Variants in PCM1 observed in about 807,000 individuals in gnomAD.
PCM1 encodes the protein pericentriolar material 1 protein.
PCM1 carries 157 observed loss-of-function variants against 241.9 expected under a neutral mutation model. The observed-to-expected ratio is 0.65, with a 90% CI of 0.57 to 0.74. PCM1 has a LOEUF of 0.74. Among genes scored for constraint, PCM1 ranks in the 30% least tolerant of loss-of-function variants. PCM1 has a pLI of 0.00. For synonymous variants in PCM1, 1,085 were observed against 784.9 expected (o/e 1.38, Z -6.39); for missense variants, 3,478 against 2,360.1 (o/e 1.47, Z -9.81).
At chr8:18,009,148 T>C (rs987718166) in intron 30 of PCM1, among the ~76,000 whole-genome samples, 6 of 152,188 alleles carry the variant, frequency 3.9e-5, no homozygotes, top group Non-Finnish European at 7.3e-5. Context: ...GGTGGAAGCT[T>C]TAAAAGTATT....
chr8:17,944,431 TTAA>T (rs1286367181), intron 6 of PCM1, among the ~76,000 whole-genome samples: 1 of 152,090 alleles, frequency 6.6e-6, no homozygotes, highest in African/African-American at 2.4e-5. Context: ...TTAGGATCCA[TTAA>T]TAATTACTAG....
At chr8:17,932,630 T>G (rs2059371491) in intron 2 of PCM1, among the ~76,000 whole-genome samples, 1 of 151,986 alleles carries the variant, frequency 6.6e-6, no homozygotes, top group African/African-American at 2.4e-5. Context: ...TCTTTGAGAT[T>G]TTTTTTTCTC....
At chr8:17,976,405 T>C (rs2078790573) in intron 23 of PCM1, among the ~76,000 whole-genome samples, 3 of 152,100 alleles carry the variant, frequency 2.0e-5, no homozygotes, top group Admixed American at 6.6e-5. Flanking sequence ...CCCTACAAGG[T>C]TGAGGAAGAA....
chr8:17,993,497 G>A lies in PCM1; in HGVS notation c.4705G>A (p.Glu1569Lys), dbSNP rs925223759. Residue 1569 changes from glutamate to lysine, a missense_variant, in exon 29 of 39, where the codon GAA (glutamate) becomes AAA (lysine). Coordinates refer to ENST00000325083, the MANE Select transcript of PCM1 (RefSeq NM_006197.4). ...TTAAAAATTAGAAACTCCCGTTATT[G>A]AAAATCGTAGTTCACAACAACCTGT... Reference protein sequence around the residue: ...VNNLEETPVIENRSSQQPVSE... With the variant: ...VNNLEETPVIKNRSSQQPVSE... 4 of 1,567,050 alleles carry A rather than the reference G, an allele frequency of 2.6e-6. No individual in the cohort carries two copies. The highest frequency in any genetic ancestry group is 1.9e-5 in the Admixed American group (1 of 52,250).
In PCM1 at chr8:18,026,852, A is replaced by G. The variant is rs547285081; in HGVS notation, c.6050-785A>G. ...CCTGGTTCTCTGTTCAGTTTTACCC[A>G]TATTCTTACATTACTAAGGCTATTA... On this transcript the variant is annotated intron_variant, in intron 38 of 38. Coordinates refer to ENST00000325083, the MANE Select transcript of PCM1 (RefSeq NM_006197.4). 9.7e-4 allele frequency among the ~76,000 whole-genome samples: 148 copies of G among 152,204 alleles called. 1 individual carries two copies. The highest frequency in any genetic ancestry group is 3.4e-3 in the African/African-American group (141 of 41,526).
At chr8:17,930,121 T>G (rs796634817) in intron 2 of PCM1, among the ~76,000 whole-genome samples, 1,285 of 114,902 alleles carry the variant, frequency 0.011, 12 homozygotes, top group African/African-American at 0.037. Flanking sequence ...TTTTTTTTTT[T>G]GAGACAGAGT....
intron 7 of PCM1, among the ~76,000 whole-genome samples, chr8:17,950,370 C>A (rs1237866968): frequency 2.0e-5 from 3 of 152,128 alleles, no homozygotes; most frequent in African/African-American, 7.2e-5. Flanking sequence ...AGTAACCCTC[C>A]TTGTATGTTG....
Position 17,960,533 on chromosome 8 carries a change from C to CTTTTCTTTTT in PCM1, c.2322+93_2322+94insCTTTTTTTTT. The CTTTTCTTTTT allele has an allele frequency of 1.2e-5, 7 of 602,584 alleles. No individual in the cohort carries two copies. The East Asian group carries it at 2.0e-4, about 17-fold the overall frequency. The allele number at this position is 602,584 out of a possible 1,614,324, so 37.3% of individuals were successfully genotyped here. A position where few individuals can be genotyped will look rare whatever the true frequency, so the allele number is the denominator to read the frequency against. ...AGTACTCTTTTTTGTTTTTGTTTTTCTTTTTTTTTGAGGCAGAGTCTCACT... is the reference window on the plus strand; with the variant it reads ...AGTACTCTTTTTTGTTTTTGTTTTTCTTTTCTTTTTTTTTTTTTTGAGGCAGAGTCTCACT... On this transcript the variant is annotated intron_variant, in intron 15 of 38. Transcript: ENST00000325083.
rs565404362 is a variant in PCM1, at chr8:17,929,626, CTTTATCT to C, written c.-23+4851_-23+4857del. On this transcript the variant is annotated intron_variant, in intron 2 of 38. Coordinates refer to ENST00000325083, the MANE Select transcript of PCM1 (RefSeq NM_006197.4). ...TACCCAGTTTCTAGCAACCTTTATCCTTTATCTTTTAACTCTACTATCCTTTAACTCT... is the reference window on the plus strand; with the variant it reads ...TACCCAGTTTCTAGCAACCTTTATCCTTTAACTCTACTATCCTTTAACTCT... 1.4e-4 allele frequency among the ~76,000 whole-genome samples: 21 copies of C among 152,212 alleles called. No homozygotes were observed. The East Asian group carries it at 3.7e-3, about 27-fold the overall frequency.
intron 2 of PCM1, among the ~76,000 whole-genome samples, chr8:17,932,943 A>G (rs1306596079): frequency 6.6e-6 from 1 of 152,180 alleles, no homozygotes; most frequent in Admixed American, 6.5e-5. Flanking sequence ...TGTGTCTGGG[A>G]TGGATGGTAC....
chr8:18,013,440 C>T (rs756541233), intron 34 of PCM1, among the ~76,000 whole-genome samples: 1 of 152,154 alleles, frequency 6.6e-6, no homozygotes, highest in Non-Finnish European at 1.5e-5. Context: ...TATAATCTGC[C>T]ATTTTCTGTT....
chr8:17,955,734 G>T (rs2068039327), intron 10 of PCM1, 81 bp downstream of exon 10: 10 of 1,048,028 alleles, frequency 9.5e-6, no homozygotes, highest in Non-Finnish European at 1.5e-5. Context: ...TGAAAATTCT[G>T]CAAAACGAGA....
In PCM1 at chr8:17,935,652, T is replaced by A. The variant is rs1458267220; in HGVS notation, c.42T>A (p.Asp14Glu). Residue 14 changes from aspartate to glutamate, a missense_variant, in exon 3 of 39, where the codon GAT (aspartate) becomes GAA (glutamate). By Grantham distance (45) the Asp-to-Glu change is conservative (BLOSUM62 2). Transcript: ENST00000325083. ...GTCCCTTTGAAGATGGCATGAATGA[T>A]CAGGATTTACCAAACTGGAGTAATG... ...GGGPFEDGMNDQDLPNWSNEN... is the reference protein window; with the variant it reads ...GGGPFEDGMNEQDLPNWSNEN... 1 of 1,570,316 alleles carries A rather than the reference T, an allele frequency of 6.4e-7. No individual in the cohort carries two copies. Among genetic ancestry groups the A allele is most frequent in the Non-Finnish European group, 8.8e-7 (1 of 1,140,438 alleles).
intron 7 of PCM1, 52 bp from the exon 8 acceptor site, chr8:17,950,563 A>C: frequency 1.1e-6 from 1 of 888,884 alleles, no homozygotes; most frequent in Non-Finnish European, 1.8e-6. Flanking sequence ...TCAGAGATTA[A>C]AAAAGGTGTT....
At chr8:17,972,808 G>GCT (rs1440259699) in intron 23 of PCM1, 121 bp downstream of exon 23, 6 of 447,612 alleles carry the variant, frequency 1.3e-5, no homozygotes, top group African/African-American at 2.0e-5. Context: ...AGACTTAGTT[G>GCT]AACAGTCATT....
chr8:18,010,611 T>C lies in PCM1; in HGVS notation c.5163T>C (p.Ala1721=), dbSNP rs1249163370. ...TGVIQSCAKE[A]KRILEDHGSP... is the part of the protein sequence containing the mutation. ...TGTGTAATTGATTTGTTTTAAAGGC[T>C]AAAAGGATTCTTGAAGATCATGGCT... The change falls in exon 32 of 39, where the codon GCT becomes GCC. Residue 1721 remains alanine (A), a splice_region_variant and synonymous_variant. Transcript: ENST00000325083. 4 of 1,596,004 alleles carry C rather than the reference T, an allele frequency of 2.5e-6. No homozygotes were observed. The highest frequency in any genetic ancestry group is 4.5e-5 in the East Asian group (2 of 44,380).
At chr8:17,924,680 A>G (rs2056201702) in intron 1 of PCM1, 33 bp from the exon 2 acceptor site, 1 of 152,236 alleles carries the variant, frequency 6.6e-6, no homozygotes, top group African/African-American at 2.4e-5. Context: ...TAAGTAATTT[A>G]CTTAAGTGAT....
In PCM1 at chr8:17,980,584, A is replaced by G; in HGVS notation, c.3944-7A>G. 2 of 1,566,768 alleles carry G rather than the reference A, an allele frequency of 1.3e-6. No individual in the cohort carries two copies. Among genetic ancestry groups the G allele is most frequent in the Non-Finnish European group, 1.7e-6 (2 of 1,160,060 alleles). ...ACTGATAACAGTTGTCACTTTTTTT[A>G]CTCAAGGGTATGAAAGTGCCAGTAT... On this transcript the variant is annotated splice_polypyrimidine_tract_variant and splice_region_variant and intron_variant, in intron 23 of 38. Coordinates refer to ENST00000325083, the MANE Select transcript of PCM1 (RefSeq NM_006197.4).
chr8:17,927,034 C>G (rs993405757), intron 2 of PCM1: 1 of 151,736 alleles, frequency 6.6e-6, no homozygotes, highest in African/African-American at 2.4e-5. Context: ...AGGAAAAGTA[C>G]AGGCATATCT....
Sources: allele counts gnomAD v4.1 joint callset (sites outside exome capture counted in the v4.1 genomes callset), GRCh38; gene constraint gnomAD v4.1.1; transcripts MANE v1.5; gene names NCBI Gene and HGNC (gene_info 2026-07-23, HGNC 2026-07-21).